The following NSD1 variants were observed in gnomAD, a reference collection of about 807,000 sequenced individuals.
NSD1 encodes nuclear receptor binding SET domain protein 1, also known as histone-lysine N-methyltransferase, H3 lysine-36 specific.
A neutral mutation model predicts 242.7 loss-of-function variants in NSD1; 26 were observed. The ratio of observed to expected loss-of-function variants is 0.11; its 90% CI spans 0.08 to 0.15. The LOEUF is 0.15. Among genes scored for constraint, NSD1 ranks in the 10% least tolerant of loss-of-function variants. The pLI, the probability that NSD1 is intolerant of heterozygous loss-of-function variation, is 1.00. For synonymous variants in NSD1, 1,106 were observed against 1,178.1 expected (o/e 0.94, Z 1.25); for missense variants, 2,495 against 3,272.8 (o/e 0.76, Z 5.80).
intron 2 of NSD1, among the ~76,000 whole-genome samples, chr5:177,155,279 G>A (rs908884613): frequency 1.3e-5 from 2 of 151,850 alleles, no homozygotes; most frequent in Admixed American, 6.6e-5. Context: ...GTTAGCCACC[G>A]CGCCTGGCCT....
chr5:177,221,712 G>A (rs971367204), intron 5 of NSD1, among the ~76,000 whole-genome samples: 12 of 151,818 alleles, frequency 7.9e-5, no homozygotes, highest in African/African-American at 2.2e-4. Flanking sequence ...CTTATGATCC[G>A]TCCATGTTAG....
At chr5:177,185,876 TAATA>T (rs1298741785) in intron 2 of NSD1, among the ~76,000 whole-genome samples, 1 of 85,186 alleles carries the variant, frequency 1.2e-5, no homozygotes, top group Non-Finnish European at 2.0e-5. Context: ...TTTATATAAT[TAATA>T]TATATAATAT....
intron 20 of NSD1, among the ~76,000 whole-genome samples, chr5:177,287,457 G>A (rs1759426288): frequency 6.6e-6 from 1 of 152,174 alleles, no homozygotes; most frequent in African/African-American, 2.4e-5. Flanking sequence ...CTAACATGGT[G>A]AAACACCGTC....
chr5:177,194,579 CT>C lies in NSD1; in HGVS notation c.1063+2583del, dbSNP rs1200627969. Among the ~76,000 whole-genome samples, 238 of 88,548 alleles carry C rather than the reference CT, an allele frequency of 2.7e-3. 1 individual carries two copies. The highest frequency in any genetic ancestry group is 0.015 in the Middle Eastern group (2 of 130). The allele number at this position is 88,548 out of a possible 152,430, so 58.1% of individuals were successfully genotyped here. A position where few individuals can be genotyped will look rare whatever the true frequency, so the allele number is the denominator to read the frequency against. ...ATTACATGTGTGAGTCACCATGCCT[CT>C]TTTTTTTTTTTTTTTTTTTTTTAAA... is the stretch of plus-strand genomic sequence containing the variant. On this transcript the variant is annotated intron_variant, in intron 3 of 22. Transcript: ENST00000439151.
intron 2 of NSD1, among the ~76,000 whole-genome samples, chr5:177,185,830 G>A (rs10434669): frequency 0.34 from 28,166 of 82,848 alleles, 6,304 homozygotes; most frequent in African/African-American, 0.67. Context: ...TAATATATAA[G>A]TTTTATATAT....
At chr5:177,255,523 T>C (rs1756359114) in intron 12 of NSD1, among the ~76,000 whole-genome samples, 1 of 152,174 alleles carries the variant, frequency 6.6e-6, no homozygotes, top group South Asian at 2.1e-4. Context: ...TTTTCTTATG[T>C]TGTACTGCAT....
chr5:177,186,179 T>A (rs1267372286), intron 2 of NSD1, among the ~76,000 whole-genome samples: 2 of 140,610 alleles, frequency 1.4e-5, no homozygotes, highest in African/African-American at 5.3e-5. Flanking sequence ...TAGTCCCAAC[T>A]ACCTGGGAGC....
At chr5:177,227,741 A>T (rs1345669233) in intron 5 of NSD1, among the ~76,000 whole-genome samples, 3 of 152,110 alleles carry the variant, frequency 2.0e-5, no homozygotes, top group African/African-American at 7.2e-5. Context: ...CACCCGGCCT[A>T]AATATTCATA....
intron 2 of NSD1, among the ~76,000 whole-genome samples, chr5:177,159,030 GATATATAT>G (rs35942745): frequency 2.6e-5 from 3 of 113,874 alleles, no homozygotes; most frequent in African/African-American, 8.5e-5. Context: ...ATATATGAAT[GATATATAT>G]ATATATATAT....
intron 2 of NSD1, among the ~76,000 whole-genome samples, chr5:177,165,786 G>A (rs1290484467): frequency 1.3e-5 from 2 of 151,922 alleles, no homozygotes; most frequent in Admixed American, 1.3e-4. Flanking sequence ...TGTTGTTGTT[G>A]TTGTTATAGC....
chr5:177,147,017 A>G (rs1757306774), intron 2 of NSD1, among the ~76,000 whole-genome samples: 1 of 151,890 alleles, frequency 6.6e-6, no homozygotes, highest in African/African-American at 2.4e-5. Flanking sequence ...AAAAAAAAAA[A>G]AAAAAGTTGC....
chr5:177,138,198 T>A (rs1228104378), intron 2 of NSD1, among the ~76,000 whole-genome samples: 4 of 152,176 alleles, frequency 2.6e-5, no homozygotes, highest in Non-Finnish European at 5.9e-5. Context: ...GTAGAAGTTT[T>A]TTTTTCAGGG....
intron 14 of NSD1, chr5:177,265,851 C>T (rs565280323): frequency 1.3e-5 from 19 of 1,440,492 alleles, no homozygotes; most frequent in African/African-American, 1.4e-5. Flanking sequence ...TGGGTGTGCA[C>T]GTAGTCATTC....
chr5:177,206,870 AT>A, intron 4 of NSD1, among the ~76,000 whole-genome samples: 2 of 150,116 alleles, frequency 1.3e-5, no homozygotes, highest in Admixed American at 1.3e-4. Context: ...AAAAAAAAAA[AT>A]ACACACTACC....
chr5:177,277,351 A>G (rs1390043642), intron 17 of NSD1, among the ~76,000 whole-genome samples: 1 of 152,206 alleles, frequency 6.6e-6, no homozygotes, highest in African/African-American at 2.4e-5. Flanking sequence ...ATTTTATTGG[A>G]ATACAGGCAT....
rs1021852466 is a variant in NSD1 at position 177,211,803 on chromosome 5, C to T, written c.3404C>T (p.Pro1135Leu). The change falls in exon 5 of 23, where the codon CCA becomes CTA. Residue 1135 changes from proline to leucine, a missense_variant. Around this residue, in one of 19 missense-constraint regions of NSD1, gnomAD observed 426 missense variants for 411.4 expected, o/e 1.04. Transcript: ENST00000439151. ...KGLSFENGKGPELDSVMNSEN... is the reference protein window; with the variant it reads ...KGLSFENGKGLELDSVMNSEN... ...CTCTCTTTTGAAAACGGAAAAGGCC[C>T]AGAGCTGGACTCTGTAATGAACAGT... 1.9e-6 allele frequency: 3 copies of T among 1,614,094 alleles called. No homozygotes were observed. The highest frequency in any genetic ancestry group is 1.3e-5 in the African/African-American group (1 of 75,008).
intron 9 of NSD1, among the ~76,000 whole-genome samples, chr5:177,245,705 G>A (rs896228316): frequency 1.7e-4 from 26 of 149,572 alleles, no homozygotes; most frequent in African/African-American, 5.9e-4. Flanking sequence ...GCACAATCTC[G>A]GTTCACTGCA....
chr5:177,160,454 C>T (rs568168459), intron 2 of NSD1, among the ~76,000 whole-genome samples: 63 of 151,566 alleles, frequency 4.2e-4, no homozygotes, highest in South Asian at 4.2e-4. Flanking sequence ...GCACGTGCCA[C>T]GACGCCCGGC....
Position 177,223,081 on chromosome 5 carries a change from CTTTTTT to C in NSD1, c.3796+10895_3796+10900del, listed in dbSNP as rs559743026. ...TGAAAAGAATATTCTTTTTCTTTTT[CTTTTTT>C]TTTTTTTTCAGACAGAGTCTCGCTC... On this transcript the variant is annotated intron_variant, in intron 5 of 22. Transcript: ENST00000439151. Among the ~76,000 whole-genome samples, 638 of 136,510 alleles carry C rather than the reference CTTTTTT, an allele frequency of 4.7e-3. 3 individuals are homozygous for C. Among genetic ancestry groups the C allele is most frequent in the African/African-American group, 0.015 (582 of 37,686 alleles). The allele number at this position is 136,510 out of a possible 152,430, so 89.6% of individuals were successfully genotyped here.
Sources: allele counts gnomAD v4.1 joint callset (sites outside exome capture counted in the v4.1 genomes callset), GRCh38; gene constraint gnomAD v4.1.1; regional missense constraint gnomAD v4.1.1; transcripts MANE v1.5; gene names NCBI Gene and HGNC (gene_info 2026-07-23, HGNC 2026-07-21).